The following LRBA variants were observed in gnomAD, a reference collection of about 807,000 sequenced individuals.
The protein encoded by LRBA is LPS responsive beige-like anchor protein.
Under a neutral mutation model 330.0 loss-of-function variants are expected in LRBA, and 176 were observed. That is an observed-to-expected ratio of 0.53 (90% CI 0.47 to 0.60). The LOEUF (loss-of-function observed/expected upper bound fraction) is 0.60, where lower values mean the gene tolerates loss of function less well. Among genes scored for constraint, LRBA ranks in the 20% least tolerant of loss-of-function variants. The pLI is 0.00. For missense variants in LRBA, 3,259 were observed against 3,444.8 expected, an observed-to-expected ratio of 0.95 and a Z score of 1.35; for synonymous variants, 1,230 against 1,193.0, an observed-to-expected ratio of 1.03 and a Z score of -0.64.
chr4:150,315,242 TCAA>T (rs1731565392), intron 51 of LRBA: 1 of 387,110 alleles, frequency 2.6e-6, no homozygotes, highest in African/African-American at 2.2e-5. Flanking sequence ...CTCCTGCTCA[TCAA>T]CAAGTCTGAG....
intron 48 of LRBA, among the ~76,000 whole-genome samples, chr4:150,328,163 G>C (rs1313799206): frequency 6.6e-6 from 1 of 152,152 alleles, no homozygotes; most frequent in African/African-American, 2.4e-5. Flanking sequence ...ATGTTTCAGA[G>C]AATAGTAAAG....
chr4:150,846,066 C>A (rs753040745), intron 26 of LRBA, among the ~76,000 whole-genome samples: 2 of 152,068 alleles, frequency 1.3e-5, no homozygotes, highest in Non-Finnish European at 1.5e-5. Flanking sequence ...AAATAATATT[C>A]AGCCGTAAAA....
At chr4:150,545,675 G>T (rs1219984185) in intron 40 of LRBA, among the ~76,000 whole-genome samples, 3 of 152,020 alleles carry the variant, frequency 2.0e-5, no homozygotes, top group African/African-American at 7.2e-5. Flanking sequence ...GGAAATATTT[G>T]ATTTCAAATT....
chr4:150,614,027 A>C (rs1775527528), intron 37 of LRBA, among the ~76,000 whole-genome samples: 1 of 151,176 alleles, frequency 6.6e-6, no homozygotes, highest in South Asian at 2.1e-4. Flanking sequence ...CAATAAGATG[A>C]CTCTCACATC....
At chr4:150,763,337 A>G (rs954034282) in intron 34 of LRBA, among the ~76,000 whole-genome samples, 1 of 151,934 alleles carries the variant, frequency 6.6e-6, no homozygotes, top group African/African-American at 2.4e-5. Context: ...TATTCTAGGT[A>G]TAATTTTTAT....
At chr4:150,795,237 G>A (rs1302035787) in intron 34 of LRBA, among the ~76,000 whole-genome samples, 1 of 152,006 alleles carries the variant, frequency 6.6e-6, no homozygotes, top group East Asian at 1.9e-4. Flanking sequence ...TATAATGCTG[G>A]AGTAATATTA....
intron 40 of LRBA, among the ~76,000 whole-genome samples, chr4:150,543,458 T>C (rs1007961329): frequency 2.3e-4 from 35 of 152,220 alleles, no homozygotes; most frequent in African/African-American, 8.0e-4. Context: ...TTATCTGTTT[T>C]AACCAAATAT....
At chr4:150,515,435 A>G (rs945895051) in intron 40 of LRBA, among the ~76,000 whole-genome samples, 1 of 152,182 alleles carries the variant, frequency 6.6e-6, no homozygotes, top group Non-Finnish European at 1.5e-5. Flanking sequence ...CCAGAAACCA[A>G]CAACAAATAT....
chr4:150,666,840 A>G (rs1326046579), intron 37 of LRBA, among the ~76,000 whole-genome samples: 1 of 152,096 alleles, frequency 6.6e-6, no homozygotes, highest in Non-Finnish European at 1.5e-5. Context: ...TTTTCATTCT[A>G]TTTTTTTATA....
At chr4:150,857,640 T>C (rs969038842) in intron 22 of LRBA, among the ~76,000 whole-genome samples, 7 of 152,142 alleles carry the variant, frequency 4.6e-5, no homozygotes, top group African/African-American at 1.4e-4. Context: ...GGTTACAGTA[T>C]TGAACCAGGC....
Position 150,916,667 on chromosome 4 carries a change from C to A in LRBA, c.717G>T (p.Met239Ile), listed in dbSNP as rs751596141. The change falls in exon 6 of 57, where the codon ATG becomes ATT. Residue 239 changes from methionine (M) to isoleucine (I), a missense_variant. Transcript: ENST00000651943. ...CTACATTGATGTTATTTACAGGATC[C>A]ATTCTAAGCCATGTATGAAATGTAA... ...NGFTFHTWLR[M>I]DPVNNINVDK... 3.8e-6 allele frequency: 6 copies of A among 1,599,422 alleles called. No homozygotes were observed. Among genetic ancestry groups the A allele is most frequent in the Middle Eastern group, 1.7e-4 (1 of 5,992 alleles).
chr4:150,561,120 T>A (rs1367621993), intron 40 of LRBA, among the ~76,000 whole-genome samples: 2 of 152,212 alleles, frequency 1.3e-5, no homozygotes, highest in African/African-American at 2.4e-5. Flanking sequence ...TTTTATTACA[T>A]GCTTATATTA....
intron 42 of LRBA, among the ~76,000 whole-genome samples, chr4:150,485,307 C>T (rs1207264261): frequency 6.6e-6 from 1 of 151,858 alleles, no homozygotes; most frequent in Non-Finnish European, 1.5e-5. Flanking sequence ...AATTTAAGAT[C>T]ATCACCTTGA....
intron 37 of LRBA, among the ~76,000 whole-genome samples, chr4:150,647,721 C>CA (rs988265048): frequency 6.6e-6 from 1 of 151,984 alleles, no homozygotes; most frequent in African/African-American, 2.4e-5. Context: ...CTGAACAACT[C>CA]AAAGTTCCTT....
intron 2 of LRBA, among the ~76,000 whole-genome samples, chr4:150,934,003 G>A (rs527931782): frequency 4.0e-5 from 6 of 151,026 alleles, no homozygotes; most frequent in African/African-American, 1.2e-4. Flanking sequence ...CAGCCTGGGC[G>A]ACAGGGCAAG....
intron 47 of LRBA, among the ~76,000 whole-genome samples, chr4:150,395,085 A>T (rs1355564475): frequency 6.6e-6 from 1 of 152,188 alleles, no homozygotes; most frequent in East Asian, 1.9e-4. Context: ...CAGCAGAGTT[A>T]GGAAAAGATG....
intron 40 of LRBA, among the ~76,000 whole-genome samples, chr4:150,564,734 A>G (rs1768898821): frequency 2.0e-5 from 3 of 152,218 alleles, no homozygotes; most frequent in Admixed American, 1.3e-4. Context: ...ATATGAACAG[A>G]CACTTCTCAA....
intron 2 of LRBA, among the ~76,000 whole-genome samples, chr4:150,983,766 C>T (rs559623155): frequency 4.0e-5 from 6 of 149,882 alleles, no homozygotes; most frequent in Admixed American, 1.3e-4. Context: ...GCGAGTACTC[C>T]GTCTTAAAAA....
chr4:150,287,509 C>T (rs1748287639), intron 53 of LRBA, among the ~76,000 whole-genome samples: 1 of 152,212 alleles, frequency 6.6e-6, no homozygotes, highest in Non-Finnish European at 1.5e-5. Flanking sequence ...TCACCTGGAG[C>T]CAGCAGTCAC....
Sources: gnomAD v4.1 joint callset for allele counts (sites outside exome capture counted in the v4.1 genomes callset) on GRCh38, gnomAD v4.1.1 for gene constraint, MANE v1.5 for transcripts, NCBI Gene and HGNC (gene_info 2026-07-23, HGNC 2026-07-21) for gene names.